The following FICD variants were observed in gnomAD, a reference collection of about 807,000 sequenced individuals.
FICD encodes protein adenylyltransferase FICD.
Under a neutral mutation model 28.0 loss-of-function variants are expected in FICD, and 13 were observed. The observed-to-expected ratio is 0.46, with a 90% confidence interval of 0.30 to 0.74. FICD has a LOEUF of 0.74. Among genes scored for constraint, FICD ranks in the 30% least tolerant of loss-of-function variants. FICD has a pLI of 0.07. For synonymous variants in FICD, 268 were observed against 266.4 expected, an observed-to-expected ratio of 1.01 and a Z score of -0.06; for missense variants, 576 against 624.5, an observed-to-expected ratio of 0.92 and a Z score of 0.83.
chr12:108,518,569 C>T lies in FICD; in HGVS notation c.471C>T (p.Ile157=), dbSNP rs762582420. The change falls in exon 3 of 3, where the codon ATC becomes ATT. Residue 157 remains isoleucine (I), a synonymous_variant. Coordinates refer to ENST00000552695, the MANE Select transcript of FICD (RefSeq NM_007076.3). The surrounding 1 kb of genome is among the most constrained non-coding windows in gnomAD (Gnocchi z 4.4). The stretch of plus-strand genomic sequence containing the variant: ...TCTCGGAAGAAGACAAGGACATCAT[C>T]CAGGCGGACTACTTGTACACCAGAG... ...GIFSEEDKDI[I]QADYLYTRAL... The T allele has an allele frequency of 1.2e-6, 2 of 1,614,228 alleles. No homozygotes were observed. Among genetic ancestry groups the T allele is most frequent in the South Asian group, 2.2e-5 (2 of 91,086 alleles).
Position 108,519,442 on chromosome 12 carries a change from T to A in FICD, c.1344T>A (p.Ser448=). The A allele has an allele frequency of 6.2e-7, 1 of 1,613,506 alleles. No homozygotes were observed. Among genetic ancestry groups the A allele is most frequent in the East Asian group, 2.2e-5 (1 of 44,874 alleles). The change falls in exon 3 of 3, where the codon TCT becomes TCA. Residue 448 remains serine (S), a synonymous_variant. Transcript: ENST00000552695. This position sits in a 1 kb window ranked among gnomAD's most constrained non-coding sequence, Gnocchi z 4.5. The part of the protein sequence containing the change: ...VALPEAQPNH[S]GFKETLPVKP The stretch of plus-strand genomic sequence containing the variant: ...TGCCAGAAGCCCAACCCAACCACTC[T>A]GGGTTCAAGGAGACGCTTCCTGTGA...
In FICD at chr12:108,518,352, T is replaced by C; in HGVS notation, c.302-48T>C. ...AGGGGACAGCCCCCCGAATGTCCTC[T>C]GCCCCCTAGCCTCCCTCCCTCACAG... On this transcript the variant is annotated intron_variant, in intron 2 of 2. Coordinates refer to ENST00000552695, the MANE Select transcript of FICD (RefSeq NM_007076.3). The surrounding 1 kb of genome is among the most constrained non-coding windows in gnomAD (Gnocchi z 4.4). The C allele has an allele frequency of 6.6e-7, 1 of 1,520,296 alleles. No homozygotes were observed. Among genetic ancestry groups the C allele is most frequent in the Non-Finnish European group, 9.1e-7 (1 of 1,096,656 alleles). 94.2% of individuals were successfully genotyped at this position (1,520,296 alleles called of 1,614,324 possible). A position where few individuals can be genotyped will look rare whatever the true frequency, so the allele number is the denominator to read the frequency against.
In FICD at chr12:108,519,239, C is replaced by T. The variant is rs1223205703; in HGVS notation, c.1141C>T (p.Leu381Phe). 1.2e-6 allele frequency: 2 copies of T among 1,614,140 alleles called. No individual in the cohort carries two copies. The highest frequency in any genetic ancestry group is 1.7e-6 in the Non-Finnish European group (2 of 1,180,050). ...RTSRLLMNLI[L>F]MQAGYPPITI... is the part of the protein sequence containing the mutation. ...CTCCCGTCTGCTCATGAACCTCATC[C>T]TCATGCAGGCGGGCTACCCGCCCAT... The change falls in exon 3 of 3, where the codon CTC becomes TTC. Residue 381 changes from leucine (L) to phenylalanine (F), a missense_variant. Transcript: ENST00000552695. This position sits in a 1 kb window ranked among gnomAD's most constrained non-coding sequence, Gnocchi z 4.5.
chr12:108,515,415 G>T (rs1565851803), intron 1 of FICD, 54 bp downstream of exon 1: 2 of 152,468 alleles, frequency 1.3e-5, no homozygotes, highest in African/African-American at 4.8e-5. Flanking sequence ...GGAAGGGTGC[G>T]ACGGGGCCGC....
Position 108,519,319 on chromosome 12 carries a change from C to A in FICD, c.1221C>A (p.Asn407Lys). The change falls in exon 3 of 3, where the codon AAC becomes AAA. Residue 407 changes from asparagine to lysine, a missense_variant. By Grantham distance (94) the Asn-to-Lys change is moderately conservative (BLOSUM62 0). Coordinates refer to ENST00000552695, the MANE Select transcript of FICD (RefSeq NM_007076.3). This position sits in a 1 kb window ranked among gnomAD's most constrained non-coding sequence, Gnocchi z 4.5. Reference protein sequence around the residue: ...SDYYHVLEAANEGDVRPFIRF... With the variant: ...SDYYHVLEAAKEGDVRPFIRF... ...ACTACCACGTGTTGGAAGCTGCCAA[C>A]GAGGGCGACGTGAGGCCTTTCATTC... 1 of 1,614,200 alleles carries A rather than the reference C, an allele frequency of 6.2e-7. No individual in the cohort carries two copies. Among genetic ancestry groups the A allele is most frequent in the Non-Finnish European group, 8.5e-7 (1 of 1,180,040 alleles).
Position 108,519,203 on chromosome 12 carries a change from A to C in FICD, c.1105A>C (p.Asn369His). ...TTACATCCACCCTTTCATTGATGGCAACGGGAGGACCTCCCGTCTGCTCAT... is the reference window on the plus strand; with the variant it reads ...TTACATCCACCCTTTCATTGATGGCCACGGGAGGACCTCCCGTCTGCTCAT... ...LVYIHPFIDG[N>H]GRTSRLLMNL... Residue 369 changes from asparagine (N) to histidine (H), a missense_variant, in exon 3 of 3, where the codon AAC (asparagine) becomes CAC (histidine). Asn to His is a moderately conservative substitution (Grantham distance 68). Coordinates refer to ENST00000552695, the MANE Select transcript of FICD (RefSeq NM_007076.3). This position sits in a 1 kb window ranked among gnomAD's most constrained non-coding sequence, Gnocchi z 4.5. The C allele has an allele frequency of 6.2e-7, 1 of 1,614,210 alleles. No individual in the cohort carries two copies. Among genetic ancestry groups the C allele is most frequent in the Non-Finnish European group, 8.5e-7 (1 of 1,180,020 alleles).
At position 108,518,883 on chromosome 12, in the gene FICD, A is replaced by G. The variant is rs1299692878; in HGVS notation, c.785A>G (p.Asn262Ser). The change falls in exon 3 of 3, where the codon AAC becomes AGC. Residue 262 changes from asparagine (N) to serine (S), a missense_variant. By Grantham distance (46) the Asn-to-Ser change is conservative. Coordinates refer to ENST00000552695, the MANE Select transcript of FICD (RefSeq NM_007076.3). The surrounding 1 kb of genome is among the most constrained non-coding windows in gnomAD (Gnocchi z 4.4). ...AVPGKSLEEQ[N>S]EVIGMHAAMK... Reference sequence around the variant, plus strand: ...CCCGGGAAGAGCCTGGAGGAGCAGAACGAGGTCATAGGCATGCATGCAGCC... The same window carrying G: ...CCCGGGAAGAGCCTGGAGGAGCAGAGCGAGGTCATAGGCATGCATGCAGCC... 1 of 1,614,190 alleles carries G rather than the reference A, an allele frequency of 6.2e-7. No individual in the cohort carries two copies. Among genetic ancestry groups the G allele is most frequent in the Non-Finnish European group, 8.5e-7 (1 of 1,180,030 alleles).
chr12:108,517,458 T>C, intron 2 of FICD, 185 bp downstream of exon 2: 1 of 475,314 alleles, frequency 2.1e-6, no homozygotes, highest in Non-Finnish European at 3.5e-6. Flanking sequence ...TAAAGGGCTG[T>C]AGGAGCATAC....
Position 108,519,122 on chromosome 12 carries a change from G to A in FICD, c.1024G>A (p.Glu342Lys). Residue 342 changes from glutamate (E) to lysine (K), a missense_variant, in exon 3 of 3, where the codon GAA becomes AAA. By Grantham distance (56) the Glu-to-Lys change is moderately conservative. Transcript: ENST00000552695. The surrounding 1 kb of genome is among the most constrained non-coding windows in gnomAD (Gnocchi z 4.5). ...GTTTGTACAGTGGCTCAACTCCGAG[G>A]AAGCCATGAACCTGCACCCAGTGGA... The part of the protein sequence containing the change: ...QEFVQWLNSE[E>K]AMNLHPVEFA... The A allele has an allele frequency of 6.2e-7, 1 of 1,614,216 alleles. No individual in the cohort carries two copies. Among genetic ancestry groups the A allele is most frequent in the Non-Finnish European group, 8.5e-7 (1 of 1,180,040 alleles).
intron 1 of FICD, among the ~76,000 whole-genome samples, chr12:108,516,665 C>A (rs893467997): frequency 1.3e-5 from 2 of 152,186 alleles, no homozygotes; most frequent in African/African-American, 2.4e-5. Context: ...GCTTAGCACA[C>A]GGCCTGGATT....
In FICD at chr12:108,517,292, C is replaced by G. The variant is rs1323878624; in HGVS notation, c.301+19C>G. On this transcript the variant is annotated intron_variant, in intron 2 of 2. Transcript: ENST00000552695. ...TCTCCAGGTAAGACAGACTGGCCGT[C>G]TTCCTCAATGCTTGTTAACTGGATA... 6.7e-7 allele frequency: 1 copy of G among 1,485,740 alleles called. No individual in the cohort carries two copies. Among genetic ancestry groups the G allele is most frequent in the South Asian group, 1.4e-5 (1 of 73,550 alleles). 92.0% of individuals were successfully genotyped at this position (1,485,740 alleles called of 1,614,324 possible).
rs375764512 is a variant in FICD, at chr12:108,519,466, G to A, written c.1368G>A (p.Val456=). Residue 456 remains valine, a synonymous_variant, in exon 3 of 3, where the codon GTG becomes GTA. Coordinates refer to ENST00000552695, the MANE Select transcript of FICD (RefSeq NM_007076.3). This position sits in a 1 kb window ranked among gnomAD's most constrained non-coding sequence, Gnocchi z 4.5. ...NHSGFKETLP[V]KP ...CTGGGTTCAAGGAGACGCTTCCTGT[G>A]AAGCCCTAACCCTAGAAATCCTCAG... The A allele has an allele frequency of 2.3e-5, 37 of 1,610,014 alleles. No individual in the cohort carries two copies. Among genetic ancestry groups the A allele is most frequent in the Non-Finnish European group, 3.1e-5 (37 of 1,177,048 alleles).
Position 108,519,234 on chromosome 12 carries a change from T to C in FICD, c.1136T>C (p.Leu379Pro). 6.2e-7 allele frequency: 1 copy of C among 1,614,236 alleles called. No individual in the cohort carries two copies. The highest frequency in any genetic ancestry group is 8.5e-7 in the Non-Finnish European group (1 of 1,180,022). ...AGGACCTCCCGTCTGCTCATGAACC[T>C]CATCCTCATGCAGGCGGGCTACCCG... ...NGRTSRLLMN[L>P]ILMQAGYPPI... The change falls in exon 3 of 3, where the codon CTC becomes CCC. Residue 379 changes from leucine (L) to proline (P), a missense_variant. Transcript: ENST00000552695. The surrounding 1 kb of genome is among the most constrained non-coding windows in gnomAD (Gnocchi z 4.5).
In FICD at chr12:108,519,515, G is replaced by GAA. The variant is rs552394253; in HGVS notation, c.*50_*51dup. 72 of 1,016,626 alleles carry GAA rather than the reference G, an allele frequency of 7.1e-5. No individual in the cohort carries two copies. Among genetic ancestry groups the GAA allele is most frequent in the South Asian group, 1.4e-4 (7 of 49,060 alleles). The allele number at this position is 1,016,626 out of a possible 1,614,324, so 63.0% of individuals were successfully genotyped here. ...AGTGACAAAGGCTGTCCTGAGGTAG[G>GAA]AAAAAAAAAAAGAAACAGCATTTCT... On this transcript the variant is annotated 3_prime_UTR_variant, in exon 3 of 3. Transcript: ENST00000552695. This position sits in a 1 kb window ranked among gnomAD's most constrained non-coding sequence, Gnocchi z 4.5.
rs2136654975 is a variant in FICD, at chr12:108,520,592, ATTT to A, written c.*1120_*1122del. ...GAAGAGATTGCCTCGGAGTGGCCTT[ATTT>A]TTCTCGCAACTTGTGAAATGATGTA... On this transcript the variant is annotated 3_prime_UTR_variant, in exon 3 of 3. Transcript: ENST00000552695. 6.6e-6 allele frequency: 1 copy of A among 152,152 alleles called. No individual in the cohort carries two copies. Among genetic ancestry groups the A allele is most frequent in the Non-Finnish European group, 1.5e-5 (1 of 68,008 alleles). The allele number at this position is 152,152 out of a possible 1,614,324, so 9.4% of individuals were successfully genotyped here.
At position 108,518,793 on chromosome 12, in the gene FICD, C is replaced by A; in HGVS notation, c.695C>A (p.Ala232Asp). 6.2e-7 allele frequency: 1 copy of A among 1,614,202 alleles called. No individual in the cohort carries two copies. ...TACCATCACATCTACCACACAGTGG[C>A]CATCGAGGGCAACACCCTCACCCTC... ...TYYHHIYHTV[A>D]IEGNTLTLSE... The change falls in exon 3 of 3, where the codon GCC (alanine) becomes GAC (aspartate). Residue 232 changes from alanine to aspartate, a missense_variant. By Grantham distance (126) the Ala-to-Asp change is moderately radical. Coordinates refer to ENST00000552695, the MANE Select transcript of FICD (RefSeq NM_007076.3). This position sits in a 1 kb window ranked among gnomAD's most constrained non-coding sequence, Gnocchi z 4.4.
chr12:108,516,252 G>T (rs1045359814), intron 1 of FICD, among the ~76,000 whole-genome samples: 1 of 152,314 alleles, frequency 6.6e-6, no homozygotes, highest in East Asian at 1.9e-4. Flanking sequence ...GCCAGAAATG[G>T]AAGGCCAGAG....
At position 108,519,238 on chromosome 12, in the gene FICD, C is replaced by G. The variant is rs1283869498; in HGVS notation, c.1140C>G (p.Ile380Met). Residue 380 changes from isoleucine to methionine, a missense_variant, in exon 3 of 3, where the codon ATC becomes ATG. By Grantham distance (10) the Ile-to-Met change is conservative. Transcript: ENST00000552695. The surrounding 1 kb of genome is among the most constrained non-coding windows in gnomAD (Gnocchi z 4.5). ...GRTSRLLMNL[I>M]LMQAGYPPIT... ...CCTCCCGTCTGCTCATGAACCTCAT[C>G]CTCATGCAGGCGGGCTACCCGCCCA... 1.2e-6 allele frequency: 2 copies of G among 1,614,250 alleles called. No homozygotes were observed. Among genetic ancestry groups the G allele is most frequent in the Middle Eastern group, 3.3e-4 (2 of 6,062 alleles).
In FICD at chr12:108,518,510, G is replaced by T; in HGVS notation, c.412G>T (p.Asp138Tyr). The T allele has an allele frequency of 6.2e-7, 1 of 1,614,154 alleles. No individual in the cohort carries two copies. Among genetic ancestry groups the T allele is most frequent in the Non-Finnish European group, 8.5e-7 (1 of 1,180,026 alleles). The stretch of plus-strand genomic sequence containing the variant: ...CATGCACGCCCTCAAGATGGACCCG[G>T]ACTTCGTGGACGCGCTCACCGAGTT... ...LFMHALKMDP[D>Y]FVDALTEFGI... is the part of the protein sequence containing the mutation. Residue 138 changes from aspartate to tyrosine, a missense_variant, in exon 3 of 3, where the codon GAC becomes TAC. Coordinates refer to ENST00000552695, the MANE Select transcript of FICD (RefSeq NM_007076.3). The surrounding 1 kb of genome is among the most constrained non-coding windows in gnomAD (Gnocchi z 4.4).
Sources: gnomAD v4.1 joint callset for allele counts (sites outside exome capture counted in the v4.1 genomes callset) on GRCh38, gnomAD v4.1.1 for gene constraint, Gnocchi (gnomAD v3.1) non-coding constraint, MANE v1.5 for transcripts, NCBI Gene and HGNC (gene_info 2026-07-23, HGNC 2026-07-21) for gene names.